Variants in ANK3 observed in about 807,000 individuals in gnomAD.
ANK3 encodes the protein ankyrin-3.
A neutral mutation model predicts 370.9 loss-of-function variants in ANK3; 57 were observed. That is an observed-to-expected ratio of 0.15 (90% CI 0.12 to 0.19). The LOEUF is 0.19. Among genes scored for constraint, ANK3 ranks in the 10% least tolerant of loss-of-function variants. The pLI is 1.00. For missense variants in ANK3, 4,439 were observed against 5,302.1 expected (o/e 0.84, Z 5.06); for synonymous variants, 1,929 against 1,946.3 (o/e 0.99, Z 0.23).
intron 7 of ANK3, among the ~76,000 whole-genome samples, chr10:60,242,985 C>T (rs538947226): frequency 2.5e-4 from 38 of 152,206 alleles, no homozygotes; most frequent in Admixed American, 3.9e-4. Context: ...ATGCTGTCAC[C>T]GTACTTACTT....
At position 60,621,173 on chromosome 10, in the gene ANK3, C is replaced by T. The variant is rs574754699; in HGVS notation, c.58-5949G>A. On this transcript the variant is annotated intron_variant, in intron 1 of 43. Coordinates refer to the ANK3 transcript ENST00000373827. ...GCAAACGATGCCAGGCAATGCAATG[C>T]AATGCAATGCAATGTGTTCGCTTAT... 2.6e-5 allele frequency among the ~76,000 whole-genome samples: 4 copies of T among 152,228 alleles called. No individual in the cohort carries two copies. In the South Asian group the frequency reaches 6.2e-4, roughly 24 times the overall value.
intron 1 of ANK3, among the ~76,000 whole-genome samples, chr10:60,369,228 C>T (rs556108300): frequency 2.6e-5 from 4 of 152,290 alleles, no homozygotes; most frequent in East Asian, 1.9e-4. Flanking sequence ...CACATTTACA[C>T]GAAAGCTGAA....
At chr10:60,675,940 G>T (rs968381525) in intron 1 of ANK3, among the ~76,000 whole-genome samples, 4 of 146,704 alleles carry the variant, frequency 2.7e-5, no homozygotes, top group African/African-American at 7.5e-5. Flanking sequence ...ATTGGAGAAT[G>T]AAAAAAAAAA....
chr10:60,031,068 A>G (rs1266012621), intron 43 of ANK3, among the ~76,000 whole-genome samples: 3 of 145,988 alleles, frequency 2.1e-5, no homozygotes, highest in African/African-American at 7.7e-5. Flanking sequence ...AGGAGTCAGG[A>G]TAGAGCATCT....
At chr10:60,596,969 C>T (rs1046086385) in intron 2 of ANK3, among the ~76,000 whole-genome samples, 1 of 152,038 alleles carries the variant, frequency 6.6e-6, no homozygotes. Context: ...TATAGAAAGA[C>T]TATTTACATA....
At chr10:60,234,897 C>T (rs968512032) in intron 7 of ANK3, 111 bp from the exon 8 acceptor site, 2 of 674,706 alleles carry the variant, frequency 3.0e-6, no homozygotes, top group African/African-American at 1.8e-5. Context: ...TTCTAAACAT[C>T]CTTTATGAAC....
intron 28 of ANK3, among the ~76,000 whole-genome samples, chr10:60,090,550 T>A (rs888479969): frequency 6.6e-6 from 1 of 152,124 alleles, no homozygotes; most frequent in African/African-American, 2.4e-5. Context: ...ATTAATATGC[T>A]CAATACCAAA....
At chr10:60,633,716 A>C (rs964992507) in intron 1 of ANK3, among the ~76,000 whole-genome samples, 3 of 152,178 alleles carry the variant, frequency 2.0e-5, no homozygotes, top group Admixed American at 6.5e-5. Flanking sequence ...TTTTCTGGAT[A>C]ACTATAGGTG....
intron 23 of ANK3, among the ~76,000 whole-genome samples, chr10:60,159,414 G>A (rs560587962): frequency 6.6e-5 from 10 of 152,172 alleles, no homozygotes; most frequent in East Asian, 1.9e-4. Flanking sequence ...TGGAGCACCC[G>A]TATATATAAA....
At chr10:60,280,961 C>T (rs1464462995) in intron 1 of ANK3, among the ~76,000 whole-genome samples, 1 of 152,116 alleles carries the variant, frequency 6.6e-6, no homozygotes, top group Non-Finnish European at 1.5e-5. Context: ...AATTATGAGC[C>T]CCTTCAGAAT....
chr10:60,690,392 A>G (rs2079334703), intron 1 of ANK3, among the ~76,000 whole-genome samples: 1 of 152,160 alleles, frequency 6.6e-6, no homozygotes, highest in African/African-American at 2.4e-5. Context: ...CTAATACTGC[A>G]CGCTTTTCCA....
chr10:60,131,567 CTT>C (rs755340216), intron 25 of ANK3, among the ~76,000 whole-genome samples: 3 of 152,176 alleles, frequency 2.0e-5, no homozygotes, highest in Non-Finnish European at 4.4e-5. Context: ...CAAAACTTCT[CTT>C]TGTCTTCTAT....
intron 1 of ANK3, among the ~76,000 whole-genome samples, chr10:60,370,454 G>GA (rs1268074267): frequency 5.3e-5 from 8 of 152,030 alleles, no homozygotes; most frequent in African/African-American, 1.7e-4. Context: ...AATTTAAAAA[G>GA]AAAAAATATA....
At chr10:60,117,432 G>C (rs1162995847) in intron 25 of ANK3, among the ~76,000 whole-genome samples, 7 of 152,318 alleles carry the variant, frequency 4.6e-5, no homozygotes, top group African/African-American at 1.7e-4. Context: ...TTGTACAACT[G>C]GGGGAGAGTT....
At chr10:60,197,333 A>G (rs1053726869) in intron 14 of ANK3, among the ~76,000 whole-genome samples, 1 of 152,036 alleles carries the variant, frequency 6.6e-6, no homozygotes, top group African/African-American at 2.4e-5. Flanking sequence ...CAGACTTCCA[A>G]CTCCTACAAG....
At chr10:60,612,854 CG>C (rs2078219601) in intron 2 of ANK3, among the ~76,000 whole-genome samples, 1 of 152,124 alleles carries the variant, frequency 6.6e-6, no homozygotes. Flanking sequence ...TCTGGCATCA[CG>C]GGCACAGAGT....
intron 1 of ANK3, among the ~76,000 whole-genome samples, chr10:60,342,402 G>C (rs889359189): frequency 6.6e-6 from 1 of 152,088 alleles, no homozygotes; most frequent in African/African-American, 2.4e-5. Flanking sequence ...TCTTCAGAGG[G>C]GAAGGCTGGT....
intron 1 of ANK3, among the ~76,000 whole-genome samples, chr10:60,383,118 G>A (rs1309566210): frequency 2.0e-5 from 3 of 152,070 alleles, no homozygotes; most frequent in Admixed American, 6.6e-5. Context: ...CACAGGCCTT[G>A]GTTCCAAGAC....
chr10:60,623,863 G>T (rs1414309224), intron 1 of ANK3, among the ~76,000 whole-genome samples: 2 of 152,186 alleles, frequency 1.3e-5, no homozygotes, highest in East Asian at 3.9e-4. Flanking sequence ...TGCAAACAAT[G>T]TGATTTATAT....
Sources: gnomAD v4.1 joint callset for allele counts (sites outside exome capture counted in the v4.1 genomes callset) on GRCh38, gnomAD v4.1.1 for gene constraint, MANE v1.5 for transcripts, NCBI Gene and HGNC (gene_info 2026-07-23, HGNC 2026-07-21) for gene names.